The following NFATC2 variants were observed in gnomAD, a reference collection of about 807,000 sequenced individuals.
NFATC2 encodes nuclear factor of activated T-cells, cytoplasmic 2.
Under a neutral mutation model 87.3 loss-of-function variants are expected in NFATC2, and 22 were observed. The ratio of observed to expected loss-of-function variants is 0.25; its 90% CI spans 0.18 to 0.36. The LOEUF (loss-of-function observed/expected upper bound fraction) is 0.36. NFATC2 is among the 10% of genes least tolerant of loss of function. NFATC2 has a pLI of 1.00. For synonymous variants in NFATC2, 565 were observed against 542.2 expected (o/e 1.04, Z -0.58); for missense variants, 1,149 against 1,259.1 (o/e 0.91, Z 1.32).
At position 51,488,754 on chromosome 20, in the gene NFATC2, A is replaced by G. The variant is rs537909235; in HGVS notation, c.1333-13094T>C. Reference sequence around the variant, plus strand: ...ATCTCTCACCTGGACCCCTGCATCCAGCCTCTCGCTAATTTCTGCCTTGTC... The same window carrying G: ...ATCTCTCACCTGGACCCCTGCATCCGGCCTCTCGCTAATTTCTGCCTTGTC... On this transcript the variant is annotated intron_variant, in intron 3 of 10. Coordinates refer to ENST00000371564, the MANE Select transcript of NFATC2 (RefSeq NM_012340.5). Among the ~76,000 whole-genome samples the G allele has an allele frequency of 8.5e-5, 13 of 152,234 alleles. No individual in the cohort carries two copies. The South Asian group carries it at 2.1e-3, about 24-fold the overall frequency.
intron 1 of NFATC2, among the ~76,000 whole-genome samples, chr20:51,534,486 C>T (rs1301618205): frequency 6.6e-6 from 1 of 152,206 alleles, no homozygotes; most frequent in Non-Finnish European, 1.5e-5. Flanking sequence ...AGGTGCCTGC[C>T]ACCATGCCCA....
intron 10 of NFATC2, among the ~76,000 whole-genome samples, chr20:51,391,681 C>T (rs1470931660): frequency 1.3e-5 from 2 of 151,904 alleles, no homozygotes; most frequent in Admixed American, 1.3e-4. Context: ...CACCTGACTA[C>T]ATTTTTAAAT....
intron 2 of NFATC2, among the ~76,000 whole-genome samples, chr20:51,520,374 C>G (rs948469584): frequency 2.6e-5 from 4 of 151,738 alleles, no homozygotes; most frequent in African/African-American, 7.3e-5. Context: ...GGGCTTGTCA[C>G]TTCACCTCTC....
intron 3 of NFATC2, among the ~76,000 whole-genome samples, chr20:51,481,153 C>A (rs1459130756): frequency 1.3e-5 from 2 of 152,206 alleles, no homozygotes; most frequent in Non-Finnish European, 2.9e-5. Context: ...TCTGGAAGAG[C>A]CTTCCTCGCC....
chr20:51,534,613 C>G (rs6021274), intron 1 of NFATC2, among the ~76,000 whole-genome samples: 8,411 of 152,268 alleles, frequency 0.055, 784 homozygotes, highest in African/African-American at 0.19. Context: ...GATTAGAGGC[C>G]TGAGCCACTG....
chr20:51,539,623 TG>T (rs1437809764), intron 1 of NFATC2, among the ~76,000 whole-genome samples: 1 of 152,192 alleles, frequency 6.6e-6, no homozygotes, highest in East Asian at 1.9e-4. Context: ...GCTGGGAAGC[TG>T]GGTCTACAGG....
chr20:51,440,957 T>C (rs960828672), intron 6 of NFATC2, among the ~76,000 whole-genome samples: 1 of 152,182 alleles, frequency 6.6e-6, no homozygotes, highest in African/African-American at 2.4e-5. Flanking sequence ...AACCTCTGAA[T>C]TGCACTCCCA....
At chr20:51,541,861 A>T (rs2076822394) in intron 1 of NFATC2, among the ~76,000 whole-genome samples, 1 of 152,110 alleles carries the variant, frequency 6.6e-6, no homozygotes, top group African/African-American at 2.4e-5. Context: ...AGGTGATGGG[A>T]GCTGCGTGGC....
chr20:51,494,030 G>A (rs1393432606), intron 3 of NFATC2, among the ~76,000 whole-genome samples: 1 of 152,148 alleles, frequency 6.6e-6, no homozygotes, highest in Non-Finnish European at 1.5e-5. Flanking sequence ...TACAGTGCCT[G>A]GCAAAGAGTG....
intron 1 of NFATC2, among the ~76,000 whole-genome samples, chr20:51,532,883 T>C (rs1223027193): frequency 6.6e-6 from 1 of 152,002 alleles, no homozygotes; most frequent in Admixed American, 6.5e-5. Context: ...CAGGCTTGAG[T>C]GGCTGGGAAG....
chr20:51,419,719 C>T (rs773541867), intron 9 of NFATC2, among the ~76,000 whole-genome samples: 21 of 152,144 alleles, frequency 1.4e-4, no homozygotes, highest in Non-Finnish European at 2.5e-4. Flanking sequence ...TTTGGAATCA[C>T]GCTCAAAGAC....
At position 51,523,230 on chromosome 20, in the gene NFATC2, G is replaced by A; in HGVS notation, c.1011C>T (p.Ser337=). 6.2e-7 allele frequency: 1 copy of A among 1,613,768 alleles called. No homozygotes were observed. Among genetic ancestry groups the A allele is most frequent in the Non-Finnish European group, 8.5e-7 (1 of 1,179,770 alleles). Residue 337 remains serine (S), a synonymous_variant, in exon 2 of 11, where the codon TCC becomes TCT. Coordinates refer to ENST00000371564, the MANE Select transcript of NFATC2 (RefSeq NM_012340.5). This position sits in a 1 kb window ranked among gnomAD's most constrained non-coding sequence, Gnocchi z 6.9. ...AGATGTGGCGAGGCAGGCCGGCCTT[G>A]GATGGGGCGGCAGACACCGGCGAGG... ...PDPSPVSAAP[S]KAGLPRHIYP... is the part of the protein sequence containing the mutation.
intron 10 of NFATC2, among the ~76,000 whole-genome samples, chr20:51,395,614 TAA>T (rs1163480295): frequency 5.7e-4 from 34 of 60,090 alleles, no homozygotes; most frequent in Non-Finnish European, 9.5e-4. Context: ...AGAGGTGCCC[TAA>T]AAGACTGATG....
chr20:51,529,867 T>C (rs1333015362), intron 1 of NFATC2, among the ~76,000 whole-genome samples: 1 of 152,070 alleles, frequency 6.6e-6, no homozygotes, highest in South Asian at 2.1e-4. Flanking sequence ...CTTACTAAAT[T>C]CAAGCAAGAC....
chr20:51,395,701 G>A (rs978132461), intron 10 of NFATC2, among the ~76,000 whole-genome samples: 4 of 151,838 alleles, frequency 2.6e-5, no homozygotes, highest in Admixed American at 1.3e-4. Context: ...TAAAAATTAC[G>A]CACAAAACAT....
At position 51,505,474 on chromosome 20, in the gene NFATC2, T is replaced by C. The variant is rs568005543; in HGVS notation, c.1332+11310A>G. Among the ~76,000 whole-genome samples, 3 of 151,508 alleles carry C rather than the reference T, an allele frequency of 2.0e-5. No individual in the cohort carries two copies. In the South Asian group the frequency reaches 6.3e-4, roughly 32 times the overall value. On this transcript the variant is annotated intron_variant, in intron 3 of 10. Transcript: ENST00000371564. ...GTAGGTGTGTGTATATATATATATA[T>C]GAATATATATAATTTATATGTGTAT...
At chr20:51,560,388 T>C (rs1261744822) in intron 1 of NFATC2, among the ~76,000 whole-genome samples, 2 of 139,338 alleles carry the variant, frequency 1.4e-5, no homozygotes, top group Non-Finnish European at 3.1e-5. Flanking sequence ...GGTTTGTTTA[T>C]TGCTGAAATA....
rs1986080961 is a variant in NFATC2 at position 51,389,282 on chromosome 20, C to G, written c.*2214G>C. Reference sequence around the variant, plus strand: ...TGGACAAGGAAGCTGAGCTACTTTGCTACAATAGCAGGAAGGCACTTGGGT... The same window carrying G: ...TGGACAAGGAAGCTGAGCTACTTTGGTACAATAGCAGGAAGGCACTTGGGT... On this transcript the variant is annotated 3_prime_UTR_variant, in exon 11 of 11. Coordinates refer to ENST00000371564, the MANE Select transcript of NFATC2 (RefSeq NM_012340.5). 1 of 152,086 alleles carries G rather than the reference C, an allele frequency of 6.6e-6. No homozygotes were observed. The highest frequency in any genetic ancestry group is 6.5e-5 in the Admixed American group (1 of 15,282). 9.4% of individuals were successfully genotyped at this position (152,086 alleles called of 1,614,324 possible).
chr20:51,469,132 C>T (rs1987966384), intron 5 of NFATC2, among the ~76,000 whole-genome samples: 1 of 152,014 alleles, frequency 6.6e-6, no homozygotes, highest in African/African-American at 2.4e-5. Context: ...AAGCAATCTG[C>T]CCACCTCAGG....
Sources: allele counts gnomAD v4.1 joint callset (sites outside exome capture counted in the v4.1 genomes callset), GRCh38; gene constraint gnomAD v4.1.1; non-coding constraint Gnocchi (gnomAD v3.1); transcripts MANE v1.5; gene names NCBI Gene and HGNC (gene_info 2026-07-23, HGNC 2026-07-21).